Variants in CDC123 observed in about 807,000 individuals in gnomAD.
CDC123 encodes cell division cycle 123.
Under a neutral mutation model 54.4 loss-of-function variants are expected in CDC123, and 37 were observed. The ratio of observed to expected loss-of-function variants is 0.68; its 90% CI spans 0.52 to 0.89. The LOEUF is 0.89. CDC123 is among the 40% of genes least tolerant of loss of function. CDC123 has a pLI of 0.00. For synonymous variants in CDC123, 144 were observed against 136.8 expected, an observed-to-expected ratio of 1.05 and a Z score of -0.37; for missense variants, 361 against 412.1, an observed-to-expected ratio of 0.88 and a Z score of 1.07.
rs1286762513 is a variant in CDC123, at chr10:12,196,224, C to T, written c.-22C>T. On this transcript the variant is annotated 5_prime_UTR_variant, in exon 1 of 13. Transcript: ENST00000281141. The stretch of plus-strand genomic sequence containing the variant: ...AGGGTGCAGGCAGGAGAGGGAAAGG[C>T]AGCAGCGGCGGCAGCTGGAGGATGA... 1 of 1,613,770 alleles carries T rather than the reference C, an allele frequency of 6.2e-7. No homozygotes were observed. Among genetic ancestry groups the T allele is most frequent in the Admixed American group, 1.7e-5 (1 of 59,996 alleles).
At chr10:12,216,818 C>G in intron 5 of CDC123, among the ~76,000 whole-genome samples, 1 of 152,110 alleles carries the variant, frequency 6.6e-6, no homozygotes, top group East Asian at 1.9e-4. Flanking sequence ...ATTTGCCTTC[C>G]CATCTTTTGT....
intron 2 of CDC123, among the ~76,000 whole-genome samples, chr10:12,206,986 G>A (rs1210463425): frequency 6.7e-6 from 1 of 150,114 alleles, no homozygotes; most frequent in Non-Finnish European, 1.5e-5. Flanking sequence ...AAGATTGGAA[G>A]CATTATTGTA....
intron 11 of CDC123, chr10:12,247,063 C>T (rs1836152435): frequency 7.4e-6 from 1 of 134,888 alleles, no homozygotes; most frequent in Admixed American, 7.6e-5. Context: ...ACACTGTGTC[C>T]TCCTCTCTCT....
Position 12,246,244 on chromosome 10 carries a change from C to T in CDC123, c.813C>T (p.Asn271=), listed in dbSNP as rs775405482. The T allele has an allele frequency of 3.0e-5, 49 of 1,613,984 alleles. No homozygotes were observed. In the East Asian group the frequency reaches 4.5e-4, roughly 15 times the overall value. Residue 271 remains asparagine, a synonymous_variant, in exon 11 of 13, where the codon AAC becomes AAT. Coordinates refer to ENST00000281141, the MANE Select transcript of CDC123 (RefSeq NM_006023.3). ...WEELISENNL[N]GDFSEVDAQE... is the part of the protein sequence containing the mutation. ...AACTGATATCTGAGAACAACTTAAA[C>T]GGCGATTTTAGTGAAGTTGACGCTC...
chr10:12,244,136 G>C (rs926411331), intron 10 of CDC123, among the ~76,000 whole-genome samples: 14 of 152,322 alleles, frequency 9.2e-5, no homozygotes, highest in Non-Finnish European at 1.8e-4. Flanking sequence ...TTTGAAGCAA[G>C]TCCTAATTAG....
chr10:12,205,155 AT>A (rs1354964805), intron 2 of CDC123, among the ~76,000 whole-genome samples: 1 of 152,144 alleles, frequency 6.6e-6, no homozygotes, highest in African/African-American at 2.4e-5. Context: ...GATCCCACAG[AT>A]AAGTGAAAAC....
At chr10:12,201,620 G>A (rs1835440980) in intron 2 of CDC123, among the ~76,000 whole-genome samples, 2 of 151,892 alleles carry the variant, frequency 1.3e-5, no homozygotes, top group East Asian at 1.9e-4. Context: ...AGTGGCATGA[G>A]ATTCACAGTT....
chr10:12,198,650 C>G, intron 1 of CDC123, 55 bp from the exon 2 acceptor site: 1 of 916,642 alleles, frequency 1.1e-6, no homozygotes, highest in Non-Finnish European at 1.8e-6. Context: ...AGATTTTTCT[C>G]TCTGCTTATA....
In CDC123 at chr10:12,244,055, G is replaced by C. The variant is rs1588684411; in HGVS notation, c.718-2094G>C. ...TATAAAATGAGGAACTTACCTAAAT[G>C]GGTTGTGCTGAAAACATCCTGCGAA... is the stretch of plus-strand genomic sequence containing the variant. On this transcript the variant is annotated intron_variant, in intron 10 of 12. Coordinates refer to ENST00000281141, the MANE Select transcript of CDC123 (RefSeq NM_006023.3). 2.0e-5 allele frequency among the ~76,000 whole-genome samples: 3 copies of C among 152,164 alleles called. No homozygotes were observed. The East Asian group carries it at 5.8e-4, about 29-fold the overall frequency.
At chr10:12,234,515 G>A (rs1835951907) in intron 7 of CDC123, among the ~76,000 whole-genome samples, 1 of 152,170 alleles carries the variant, frequency 6.6e-6, no homozygotes, top group Admixed American at 6.5e-5. Context: ...CTCCGCACCT[G>A]GCTGGAATTA....
intron 11 of CDC123, chr10:12,247,005 A>C (rs1485889656): frequency 5.0e-5 from 3 of 60,108 alleles, no homozygotes; most frequent in African/African-American, 6.8e-5. Flanking sequence ...CTCCTCTCTC[A>C]CCTCCCACTC....
At chr10:12,239,491 T>A (rs1274713644) in intron 10 of CDC123, among the ~76,000 whole-genome samples, 1 of 151,914 alleles carries the variant, frequency 6.6e-6, no homozygotes, top group Non-Finnish European at 1.5e-5. Context: ...GGCGGGCAGA[T>A]CACCTGAGGT....
At position 12,203,722 on chromosome 10, in the gene CDC123, A is replaced by G. The variant is rs564705112; in HGVS notation, c.146+4946A>G. On this transcript the variant is annotated intron_variant, in intron 2 of 12. Transcript: ENST00000281141. ...CAAGATGAGCAGGGCATCCTACCGT[A>G]GGAGTCTAGGCTTATTAGCAAGTCA... Among the ~76,000 whole-genome samples the G allele has an allele frequency of 4.8e-3, 730 of 152,284 alleles. 2 individuals carry two copies. Among genetic ancestry groups the G allele is most frequent in the Admixed American group, 7.1e-3 (108 of 15,294 alleles).
intron 2 of CDC123, among the ~76,000 whole-genome samples, chr10:12,207,867 A>G (rs933907423): frequency 5.3e-5 from 8 of 152,196 alleles, no homozygotes; most frequent in African/African-American, 9.7e-5. Flanking sequence ...AAATCTGCTT[A>G]CCAAAGGGGC....
chr10:12,233,374 A>G (rs910932238), intron 7 of CDC123, among the ~76,000 whole-genome samples: 1 of 152,110 alleles, frequency 6.6e-6, no homozygotes, highest in African/African-American at 2.4e-5. Flanking sequence ...AAGATGCACA[A>G]GAAACCTATA....
intron 6 of CDC123, among the ~76,000 whole-genome samples, chr10:12,223,374 CT>C (rs1331331485): frequency 6.6e-6 from 1 of 152,082 alleles, no homozygotes; most frequent in Non-Finnish European, 1.5e-5. Context: ...CAACCGCTGC[CT>C]CCCAGGTTCA....
chr10:12,196,306 G>A lies in CDC123; in HGVS notation c.61G>A (p.Val21Ile). Residue 21 changes from valine (V) to isoleucine (I), a missense_variant, in exon 1 of 13, where the codon GTT becomes ATT. Val to Ile is a conservative substitution (Grantham distance 29). Coordinates refer to ENST00000281141, the MANE Select transcript of CDC123 (RefSeq NM_006023.3). ...FSAWYPFFRG[V>I]TIKSVILPLP... ...CGCGTGGTACCCGTTCTTCCGAGGC[G>A]TTACCATCAAGAGGTGAGATGGGAG... The A allele has an allele frequency of 6.2e-7, 1 of 1,613,118 alleles. No individual in the cohort carries two copies. The highest frequency in any genetic ancestry group is 2.2e-5 in the East Asian group (1 of 44,848).
At chr10:12,205,801 C>CT (rs1203357821) in intron 2 of CDC123, among the ~76,000 whole-genome samples, 5,102 of 143,808 alleles carry the variant, frequency 0.035, 207 homozygotes, top group African/African-American at 0.1. Flanking sequence ...TAAACTTTCA[C>CT]TTTTTTTTTT....
At chr10:12,241,768 CAA>C (rs1272675791) in intron 10 of CDC123, among the ~76,000 whole-genome samples, 2 of 152,166 alleles carry the variant, frequency 1.3e-5, no homozygotes, top group South Asian at 4.1e-4. Flanking sequence ...CCATGTTCCT[CAA>C]AACTCATTCA....
Sources: allele counts gnomAD v4.1 joint callset (sites outside exome capture counted in the v4.1 genomes callset), GRCh38; gene constraint gnomAD v4.1.1; transcripts MANE v1.5; gene names NCBI Gene and HGNC (gene_info 2026-07-23, HGNC 2026-07-21).